POLA1: variants seen among roughly 807,000 people sequenced by gnomAD.
POLA1 encodes the protein DNA polymerase alpha catalytic subunit.
POLA1 carries 15 observed loss-of-function variants against 124.0 expected under a neutral mutation model. That is an observed-to-expected ratio of 0.12 (90% CI 0.08 to 0.19). The LOEUF (loss-of-function observed/expected upper bound fraction) is 0.19, where lower values mean the gene tolerates loss of function less well. Ranked by LOEUF, POLA1 falls within the 10% of genes least tolerant of loss-of-function variation. The probability of loss-of-function intolerance (pLI) is 1.00; values close to 1 mark genes in which losing one functional copy is unlikely to be tolerated. For missense variants in POLA1, 886 were observed against 1,103.4 expected (o/e 0.80, Z 2.79); for synonymous variants, 408 against 389.4 (o/e 1.05, Z -0.56).
At chrX:24,817,218 A>G (rs898325357) in intron 30 of POLA1, among the ~76,000 whole-genome samples, 4 of 112,086 alleles carry the variant, frequency 3.6e-5, no homozygotes, top group African/African-American at 1.3e-4. Context: ...TTCAGCAAAC[A>G]TGGAGTACCT....
At chrX:24,710,522 T>C (rs1929334976) in intron 4 of POLA1, among the ~76,000 whole-genome samples, 1 of 111,986 alleles carries the variant, frequency 8.9e-6, no homozygotes, top group Admixed American at 9.5e-5. Flanking sequence ...TATTCATTAG[T>C]TGATGGACAT....
At chrX:24,868,757 C>T (rs2046827421) in intron 34 of POLA1, among the ~76,000 whole-genome samples, 1 of 111,932 alleles carries the variant, frequency 8.9e-6, no homozygotes, top group South Asian at 3.8e-4. Flanking sequence ...AGAAGATGCA[C>T]TGTTTTCCAT....
At chrX:24,740,939 C>T (rs1345822022) in intron 20 of POLA1, among the ~76,000 whole-genome samples, 1 of 110,909 alleles carries the variant, frequency 9.0e-6, no homozygotes, top group Non-Finnish European at 1.9e-5. Flanking sequence ...TACTCTGTCT[C>T]CCCCGTGAGG....
chrX:24,981,580 A>C (rs2147288824), intron 36 of POLA1, among the ~76,000 whole-genome samples: 1 of 112,828 alleles, frequency 8.9e-6, no homozygotes, highest in East Asian at 2.8e-4. Flanking sequence ...TCAGAATTTT[A>C]ATTTGAATTT....
chrX:24,828,285 A>G (rs1007664749), intron 32 of POLA1, among the ~76,000 whole-genome samples: 1 of 112,424 alleles, frequency 8.9e-6, no homozygotes, highest in African/African-American at 3.2e-5. Context: ...CCTTGTGACA[A>G]CCTCACAAAG....
At chrX:24,848,476 TA>T (rs1362934674) in intron 34 of POLA1, among the ~76,000 whole-genome samples, 1 of 111,865 alleles carries the variant, frequency 8.9e-6, no homozygotes, top group Non-Finnish European at 1.9e-5. Flanking sequence ...GATTCCATAT[TA>T]AGCTTGTTTT....
At chrX:24,967,067 A>G (rs1040567865) in intron 36 of POLA1, among the ~76,000 whole-genome samples, 2 of 111,242 alleles carry the variant, frequency 1.8e-5, no homozygotes, top group Admixed American at 1.9e-4. Flanking sequence ...GTCATGATTC[A>G]TGGGTTGACC....
intron 34 of POLA1, among the ~76,000 whole-genome samples, chrX:24,844,087 G>A (rs2046443932): frequency 2.7e-5 from 3 of 111,477 alleles, no homozygotes; most frequent in South Asian, 7.5e-4. Flanking sequence ...TGATCTTAGT[G>A]GACTGCCCAC....
chrX:24,962,031 TTCTC>T (rs2048174319), intron 36 of POLA1, among the ~76,000 whole-genome samples: 1 of 112,108 alleles, frequency 8.9e-6, no homozygotes, highest in Admixed American at 9.5e-5. Flanking sequence ...ATTCTGCTAT[TTCTC>T]TATGTAATCT....
intron 30 of POLA1, among the ~76,000 whole-genome samples, chrX:24,818,757 C>T (rs895316256): frequency 1.8e-5 from 2 of 112,033 alleles, no homozygotes; most frequent in Non-Finnish European, 3.8e-5. Flanking sequence ...CTATATATTT[C>T]AAAACAAAGA....
chrX:24,737,194 C>T (rs912936577), intron 18 of POLA1, among the ~76,000 whole-genome samples: 2 of 111,479 alleles, frequency 1.8e-5, no homozygotes, highest in African/African-American at 3.3e-5. Flanking sequence ...CCTGAGTTTT[C>T]GAAGAAGTCT....
At chrX:24,840,692 T>C (rs1036805006) in intron 32 of POLA1, among the ~76,000 whole-genome samples, 2 of 112,517 alleles carry the variant, frequency 1.8e-5, no homozygotes, top group African/African-American at 6.5e-5. Context: ...TATTTACCTT[T>C]ATACTAAAAT....
At chrX:24,864,260 G>A (rs1751268614) in intron 34 of POLA1, among the ~76,000 whole-genome samples, 1 of 111,440 alleles carries the variant, frequency 9.0e-6, no homozygotes, top group African/African-American at 3.3e-5. Flanking sequence ...AGGATTACAG[G>A]CGTGAGCCAC....
intron 34 of POLA1, among the ~76,000 whole-genome samples, chrX:24,883,739 G>C (rs1052532302): frequency 6.2e-5 from 7 of 112,045 alleles, no homozygotes; most frequent in Non-Finnish European, 1.1e-4. Context: ...AAAATTTATT[G>C]ACCTTATTGC....
At chrX:24,839,005 C>T (rs1018974486) in intron 32 of POLA1, among the ~76,000 whole-genome samples, 1 of 111,805 alleles carries the variant, frequency 8.9e-6, no homozygotes. Context: ...GGATTTTCAC[C>T]TTTTCAAAAA....
intron 26 of POLA1, among the ~76,000 whole-genome samples, chrX:24,807,758 TGAGAG>T (rs1210561021): frequency 1.8e-5 from 2 of 110,645 alleles, no homozygotes; most frequent in Non-Finnish European, 3.8e-5. Context: ...CAAACACAGA[TGAGAG>T]GAGAGAGACA....
rs753519479 is a variant in POLA1 at position 24,713,626 on chromosome X, A to G, written c.347-928A>G. Among the ~76,000 whole-genome samples, 3 of 111,184 alleles carry G rather than the reference A, an allele frequency of 2.7e-5. No homozygotes were observed. The East Asian group carries it at 8.5e-4, about 32-fold the overall frequency. Reference sequence around the variant, plus strand: ...GAGATGGGGTTTCACCATGTTGGCCAGGATGGTATCGATTTCCTGATCTCG... The same window carrying G: ...GAGATGGGGTTTCACCATGTTGGCCGGGATGGTATCGATTTCCTGATCTCG... On this transcript the variant is annotated intron_variant, in intron 4 of 36. Transcript: ENST00000379068.
At chrX:24,803,930 TAAAAAAAAAAAAAAAA>T (rs34721601) in intron 26 of POLA1, among the ~76,000 whole-genome samples, 4 of 13,840 alleles carry the variant, frequency 2.9e-4, no homozygotes, top group Middle Eastern at 0.083. Context: ...ACCCTAGACT[TAAAAAAAAAAAAAAAA>T]AAAAAAAAAA....
intron 6 of POLA1, 109 bp from the exon 7 acceptor site, chrX:24,716,253 G>GAAAGA (rs1929827211): frequency 2.2e-6 from 1 of 448,455 alleles, no homozygotes; most frequent in South Asian, 4.0e-5. Context: ...GGGGGAAAGG[G>GAAAGA]AAAGAAAAGA....
Sources: allele counts gnomAD v4.1 joint callset (sites outside exome capture counted in the v4.1 genomes callset), GRCh38; gene constraint gnomAD v4.1.1; transcripts MANE v1.5; gene names NCBI Gene and HGNC (gene_info 2026-07-23, HGNC 2026-07-21).